MRPS6: variants seen among roughly 807,000 people sequenced by gnomAD.
MRPS6 encodes mitochondrial ribosomal protein S6, also known as small ribosomal subunit protein bS6m.
MRPS6 carries 6 observed loss-of-function variants against 13.1 expected under a neutral mutation model. That is an observed-to-expected ratio of 0.46 (90% CI 0.25 to 0.91). The LOEUF is 0.91. Among genes scored for constraint, MRPS6 ranks in the 40% least tolerant of loss-of-function variants. The probability of loss-of-function intolerance (pLI) is 0.18; values close to 1 mark genes in which losing one functional copy is unlikely to be tolerated. For missense variants in MRPS6, 164 were observed against 155.6 expected (o/e 1.05, Z -0.29); for synonymous variants, 61 against 56.5 (o/e 1.08, Z -0.36).
Position 34,096,946 on chromosome 21 carries a change from A to G in MRPS6, c.45+23201A>G. 2.5e-6 allele frequency: 4 copies of G among 1,614,136 alleles called. No homozygotes were observed. Among genetic ancestry groups the G allele is most frequent in the Non-Finnish European group, 3.4e-6 (4 of 1,179,988 alleles). Reference sequence around the variant, plus strand: ...TGCAGTGAGAATAATGAGACCATCAACCACATCATTCCCAACGGGAAATCT... The same window carrying G: ...TGCAGTGAGAATAATGAGACCATCAGCCACATCATTCCCAACGGGAAATCT... On this transcript the variant is annotated intron_variant, in intron 1 of 2. Transcript: ENST00000399312. The surrounding 1 kb of genome is among the most constrained non-coding windows in gnomAD (Gnocchi z 5.9).
At chr21:34,088,885 T>A (rs951742007) in intron 1 of MRPS6, among the ~76,000 whole-genome samples, 31 of 151,874 alleles carry the variant, frequency 2.0e-4, no homozygotes, top group South Asian at 1.7e-3. Context: ...TTTTTTTTTT[T>A]AAATTTCCAT....
intron 1 of MRPS6, among the ~76,000 whole-genome samples, chr21:34,082,082 A>G (rs1219262062): frequency 6.6e-6 from 1 of 151,138 alleles, no homozygotes; most frequent in Non-Finnish European, 1.5e-5. Flanking sequence ...GTTGCCAACT[A>G]ATTGAATACT....
At chr21:34,128,092 T>G (rs1013704240) in intron 2 of MRPS6, among the ~76,000 whole-genome samples, 1 of 152,182 alleles carries the variant, frequency 6.6e-6, no homozygotes, top group African/African-American at 2.4e-5. Context: ...CTTTTACGTT[T>G]TGTGGGGAGA....
intron 1 of MRPS6, among the ~76,000 whole-genome samples, chr21:34,092,185 T>C (rs1447598951): frequency 6.6e-6 from 1 of 152,160 alleles, no homozygotes; most frequent in Non-Finnish European, 1.5e-5. Flanking sequence ...GTAGTTTATC[T>C]CTTGAAAGAC....
rs1979692893 is a variant in MRPS6, at chr21:34,111,377, C to CT, written c.46-13961dup. Among the ~76,000 whole-genome samples, 5 of 152,320 alleles carry CT rather than the reference C, an allele frequency of 3.3e-5. No homozygotes were observed. In the South Asian group the frequency reaches 1.0e-3, roughly 32 times the overall value. On this transcript the variant is annotated intron_variant, in intron 1 of 2. Transcript: ENST00000399312. ...CATTCCACTTTCAGAAAGTTCTAAA[C>CT]TTTAAAGGATTTTCTGATTGACCTT...
chr21:34,138,242 C>T (rs1486247684), intron 2 of MRPS6, among the ~76,000 whole-genome samples: 1 of 151,924 alleles, frequency 6.6e-6, no homozygotes, highest in African/African-American at 2.4e-5. Flanking sequence ...TTTTGCTGTG[C>T]AGAAGCTCTT....
In MRPS6 at chr21:34,097,742, AT is replaced by A. The variant is rs994303728; in HGVS notation, c.45+24006del. 5.6e-5 allele frequency: 56 copies of A among 1,001,114 alleles called. No individual in the cohort carries two copies. The African/African-American group carries it at 7.3e-4, about 13-fold the overall frequency. The allele number at this position is 1,001,114 out of a possible 1,614,324, so 62.0% of individuals were successfully genotyped here. On this transcript the variant is annotated intron_variant, in intron 1 of 2. Transcript: ENST00000399312. ...AAGTAGAAGATTTGCTCATTTCTAAATTTTTTTTTCTGTCTCTGTAATCCCT... is the reference window on the plus strand; with the variant it reads ...AAGTAGAAGATTTGCTCATTTCTAAATTTTTTTTCTGTCTCTGTAATCCCT...
intron 1 of MRPS6, among the ~76,000 whole-genome samples, chr21:34,079,136 A>G (rs1257078330): frequency 1.3e-5 from 2 of 152,172 alleles, no homozygotes; most frequent in African/African-American, 2.4e-5. Context: ...CTGACCTGTC[A>G]CCTATATTTT....
intron 1 of MRPS6, among the ~76,000 whole-genome samples, chr21:34,076,294 C>T (rs917347218): frequency 6.6e-6 from 1 of 151,954 alleles, no homozygotes; most frequent in Non-Finnish European, 1.5e-5. Flanking sequence ...TTTTTTGACC[C>T]TAGCTTGACT....
At chr21:34,098,217 C>T (rs922038798) in intron 1 of MRPS6, 6 of 998,880 alleles carry the variant, frequency 6.0e-6, no homozygotes, top group Non-Finnish European at 2.4e-6. Flanking sequence ...TTATGCTAAT[C>T]AGATGATTAC....
intron 1 of MRPS6, among the ~76,000 whole-genome samples, chr21:34,109,095 T>C (rs530875429): frequency 4.6e-5 from 7 of 152,240 alleles, no homozygotes; most frequent in Admixed American, 2.0e-4. Context: ...TTCTGTTGAG[T>C]TTTTCAATTT....
intron 2 of MRPS6, among the ~76,000 whole-genome samples, chr21:34,129,329 G>A (rs949006411): frequency 2.6e-5 from 4 of 152,126 alleles, no homozygotes; most frequent in Admixed American, 1.3e-4. Context: ...CAAAAAGTGC[G>A]GTCGTATTTC....
At chr21:34,102,017 C>T (rs906699335) in intron 1 of MRPS6, 18 of 1,000,042 alleles carry the variant, frequency 1.8e-5, no homozygotes, top group Non-Finnish European at 2.0e-5. Flanking sequence ...ATAGAGGAAC[C>T]CTTTTGTACT....
chr21:34,139,337 A>T (rs905538656), intron 2 of MRPS6, among the ~76,000 whole-genome samples: 19 of 143,950 alleles, frequency 1.3e-4, no homozygotes, highest in Admixed American at 1.0e-3. Context: ...AAAGTATAAT[A>T]AAAAAAAATT....
At chr21:34,086,517 T>TTGTGTGTGTGTGTG (rs34988334) in intron 1 of MRPS6, among the ~76,000 whole-genome samples, 3 of 148,384 alleles carry the variant, frequency 2.0e-5, no homozygotes, top group East Asian at 4.0e-4. Context: ...TAGTTTGTGT[T>TTGTGTGTGTGTGTG]TGTGTGTGTG....
intron 1 of MRPS6, among the ~76,000 whole-genome samples, chr21:34,113,319 C>A (rs1313049581): frequency 3.9e-5 from 6 of 152,160 alleles, no homozygotes; most frequent in African/African-American, 1.4e-4. Context: ...AGATGTGGAT[C>A]AACCTAAGTG....
At chr21:34,126,773 C>T (rs1303570522) in intron 2 of MRPS6, among the ~76,000 whole-genome samples, 1 of 152,186 alleles carries the variant, frequency 6.6e-6, no homozygotes, top group East Asian at 1.9e-4. Context: ...TGTAGTACTT[C>T]CAGGGGTTTC....
intron 2 of MRPS6, among the ~76,000 whole-genome samples, chr21:34,130,531 T>G (rs1368397024): frequency 6.6e-6 from 1 of 152,160 alleles, no homozygotes; most frequent in African/African-American, 2.4e-5. Context: ...CAGTCTGTCT[T>G]GGGGAAGCCA....
chr21:34,126,472 G>T (rs1980308325), intron 2 of MRPS6, among the ~76,000 whole-genome samples: 1 of 152,222 alleles, frequency 6.6e-6, no homozygotes, highest in Admixed American at 6.5e-5. Flanking sequence ...TTGTGCTAGT[G>T]TTCAGCTTCT....
Sources: allele counts gnomAD v4.1 joint callset (sites outside exome capture counted in the v4.1 genomes callset), GRCh38; gene constraint gnomAD v4.1.1; non-coding constraint Gnocchi (gnomAD v3.1); transcripts MANE v1.5; gene names NCBI Gene and HGNC (gene_info 2026-07-23, HGNC 2026-07-21).